Variants in GCN1 observed in about 807,000 individuals in gnomAD.
GCN1 encodes stalled ribosome sensor GCN1.
In GCN1, 90 loss-of-function variants were observed where a neutral mutation model predicts 288.4. The observed-to-expected ratio is 0.31, with a 90% confidence interval of 0.26 to 0.37. The LOEUF (loss-of-function observed/expected upper bound fraction) is 0.37, where lower values mean the gene tolerates loss of function less well. Among genes scored for constraint, GCN1 ranks in the 10% least tolerant of loss-of-function variants. GCN1 has a pLI of 1.00. For missense variants in GCN1, 2,586 were observed against 3,419.9 expected (o/e 0.76, Z 6.08); for synonymous variants, 1,386 against 1,420.2 (o/e 0.98, Z 0.54).
In GCN1 at chr12:120,130,690, C is replaced by T; in HGVS notation, c.7627G>A (p.Gly2543Ser). 1 of 1,614,110 alleles carries T rather than the reference C, an allele frequency of 6.2e-7. No homozygotes were observed. Reference protein sequence around the residue: ...GFLMRHHIETGGGQLPAKLSS... With the variant: ...GFLMRHHIETSGGQLPAKLSS... Reference sequence around the variant, plus strand: ...AGTTTGGCCGGCAACTGCCCTCCGCCTGTCTCGATGTGGTGTCTCATGAGA... The same window carrying T: ...AGTTTGGCCGGCAACTGCCCTCCGCTTGTCTCGATGTGGTGTCTCATGAGA... The change falls in exon 56 of 58, where the codon GGC (glycine) becomes AGC (serine). Residue 2543 changes from glycine to serine, a missense_variant. By Grantham distance (56) the Gly-to-Ser change is moderately conservative (BLOSUM62 0). Coordinates refer to ENST00000300648, the MANE Select transcript of GCN1 (RefSeq NM_006836.2).
intron 45 of GCN1, among the ~76,000 whole-genome samples, chr12:120,140,202 A>C (rs925863282): frequency 2.0e-5 from 3 of 152,218 alleles, no homozygotes; most frequent in African/African-American, 4.8e-5. Context: ...ACTTGCTTAC[A>C]TTTCTAGCGG....
chr12:120,191,758 G>A (rs1192659137), intron 1 of GCN1, among the ~76,000 whole-genome samples: 1 of 152,192 alleles, frequency 6.6e-6, no homozygotes, highest in African/African-American at 2.4e-5. Flanking sequence ...GTTCTGAGAA[G>A]TCTGCCATAA....
intron 2 of GCN1, among the ~76,000 whole-genome samples, chr12:120,186,210 G>C (rs992198486): frequency 6.6e-6 from 1 of 152,032 alleles, no homozygotes; most frequent in Non-Finnish European, 1.5e-5. Context: ...ATGGTGGCAC[G>C]TGTCTGTAAT....
At chr12:120,135,921 CAGA>C (rs1408670927) in intron 51 of GCN1, among the ~76,000 whole-genome samples, 1 of 151,920 alleles carries the variant, frequency 6.6e-6, no homozygotes, top group Non-Finnish European at 1.5e-5. Context: ...GAGGCTGAGG[CAGA>C]AGAATTGCTT....
chr12:120,182,084 G>A (rs1161798230), intron 5 of GCN1, among the ~76,000 whole-genome samples: 1 of 151,796 alleles, frequency 6.6e-6, no homozygotes, highest in African/African-American at 2.4e-5. Context: ...GGGAGGCAGA[G>A]GTTGCAGTGA....
At chr12:120,178,377 G>GATGCATGAACAAGC (rs1878544569) in intron 7 of GCN1, among the ~76,000 whole-genome samples, 1 of 151,730 alleles carries the variant, frequency 6.6e-6, no homozygotes, top group African/African-American at 2.4e-5. Context: ...ACTAAATTGG[G>GATGCATGAACAAGC]ATGAATAAGT....
intron 16 of GCN1, among the ~76,000 whole-genome samples, chr12:120,165,238 T>C (rs1878083558): frequency 6.6e-6 from 1 of 151,998 alleles, no homozygotes; most frequent in Non-Finnish European, 1.5e-5. Context: ...GGTTTCACCA[T>C]GTTAGCCAGG....
At position 120,127,872 on chromosome 12, in the gene GCN1, C is replaced by T. The variant is rs1876668324; in HGVS notation, c.7993G>A (p.Val2665Met). Residue 2665 changes from valine to methionine, a missense_variant, in exon 58 of 58, where the codon GTG becomes ATG. Val to Met is a conservative substitution (Grantham distance 21, BLOSUM62 1). Transcript: ENST00000300648. The stretch of plus-strand genomic sequence containing the variant: ...TCTCATGTCAGGATGGTGTCGTCCA[C>T]CTGCTCCGTGGAGTCGGCCTGGCTG... ...LASQADSTEQ[V>M]DDTILT 6.2e-7 allele frequency: 1 copy of T among 1,613,768 alleles called. No individual in the cohort carries two copies. Among genetic ancestry groups the T allele is most frequent in the South Asian group, 1.1e-5 (1 of 91,092 alleles).
chr12:120,160,289 T>C (rs1877883811), intron 22 of GCN1, 34 bp from the exon 23 acceptor site: 2 of 1,440,186 alleles, frequency 1.4e-6, no homozygotes. Flanking sequence ...CAATCCCATC[T>C]CCAGGGAACA....
chr12:120,134,687 T>C lies in GCN1; in HGVS notation c.7048A>G (p.Thr2350Ala). Residue 2350 changes from threonine to alanine, a missense_variant, in exon 52 of 58, where the codon ACC becomes GCC. This residue lies in a region of GCN1 where 355 missense variants were observed against 431.1 expected (regional missense o/e 0.82). Transcript: ENST00000300648. The surrounding 1 kb of genome is among the most constrained non-coding windows in gnomAD (Gnocchi z 5.0). ...TCCTGCAGGGCTTTGGTGAAAGTGG[T>C]CTGCAGCTGGGGCAGGAAGGGCTTC... ...ALKPFLPQLQ[T>A]TFTKALQDSN... 1 of 1,613,204 alleles carries C rather than the reference T, an allele frequency of 6.2e-7. No individual in the cohort carries two copies. Among genetic ancestry groups the C allele is most frequent in the Non-Finnish European group, 8.5e-7 (1 of 1,180,016 alleles).
chr12:120,167,352 CAAAA>C (rs58505091), intron 16 of GCN1, among the ~76,000 whole-genome samples: 1 of 73,040 alleles, frequency 1.4e-5, no homozygotes, highest in Non-Finnish European at 3.0e-5. Context: ...AACTCCATCT[CAAAA>C]AAAAAAAAAA....
chr12:120,129,984 A>C (rs557326499), intron 56 of GCN1, among the ~76,000 whole-genome samples: 85 of 152,318 alleles, frequency 5.6e-4, no homozygotes, highest in African/African-American at 2.0e-3. Context: ...GACGAGGCTC[A>C]ATCGAATCAG....
chr12:120,134,593 A>G lies in GCN1; in HGVS notation c.7142T>C (p.Val2381Ala). 3 of 1,614,066 alleles carry G rather than the reference A, an allele frequency of 1.9e-6. No homozygotes were observed. Residue 2381 changes from valine to alanine, a missense_variant, in exon 52 of 58, where the codon GTG (valine) becomes GCG (alanine). Coordinates refer to ENST00000300648, the MANE Select transcript of GCN1 (RefSeq NM_006836.2). The surrounding 1 kb of genome is among the most constrained non-coding windows in gnomAD (Gnocchi z 5.0). ...GAGCAGCTCTGTGAAGAGGGGGTCC[A>G]CCTTAATGTGGATGGAAATGAGCTT... is the stretch of plus-strand genomic sequence containing the variant. ...LGKLISIHIKVDPLFTELLNG... is the reference protein window; with the variant it reads ...LGKLISIHIKADPLFTELLNG...
At chr12:120,151,058 C>T in intron 34 of GCN1, 87 bp downstream of exon 34, 5 of 1,474,814 alleles carry the variant, frequency 3.4e-6, no homozygotes, top group Non-Finnish European at 4.6e-6. Context: ...ACGGCCTCCA[C>T]CTGGGGCGCC....
chr12:120,141,988 TC>T (rs1877211506), intron 44 of GCN1, among the ~76,000 whole-genome samples: 1 of 152,198 alleles, frequency 6.6e-6, no homozygotes, highest in African/African-American at 2.4e-5. Context: ...CTCCATTGTG[TC>T]CCCAGGTGCT....
At chr12:120,128,837 CTTT>C (rs35329199) in intron 57 of GCN1, among the ~76,000 whole-genome samples, 8 of 98,412 alleles carry the variant, frequency 8.1e-5, no homozygotes, top group East Asian at 3.5e-4. Context: ...TCACCCAAAT[CTTT>C]TTTTTTTTTT....
rs746403341 is a variant in GCN1, at chr12:120,144,661, G to C, written c.5330C>G (p.Pro1777Arg). The change falls in exon 41 of 58, where the codon CCC becomes CGC. Residue 1777 changes from proline to arginine, a missense_variant. Pro to Arg is a moderately radical substitution (Grantham distance 103). Around this residue, in one of 8 missense-constraint regions of GCN1, gnomAD observed 371 missense variants for 572.6 expected, o/e 0.65. Transcript: ENST00000300648. This position sits in a 1 kb window ranked among gnomAD's most constrained non-coding sequence, Gnocchi z 4.7. The part of the protein sequence containing the change: ...FGDKFTPYVG[P>R]IIPCILKALA... ...TACTTTGAGGATACAGGGGATGATG[G>C]GCCCCACATAAGGAGTAAACTTGTC... 1 of 1,613,890 alleles carries C rather than the reference G, an allele frequency of 6.2e-7. No individual in the cohort carries two copies. Among genetic ancestry groups the C allele is most frequent in the African/African-American group, 1.3e-5 (1 of 75,044 alleles).
In GCN1 at chr12:120,155,322, G is replaced by C. The variant is rs772411161; in HGVS notation, c.3549C>G (p.Leu1183=). The change falls in exon 30 of 58, where the codon CTC becomes CTG. Residue 1183 remains leucine, a synonymous_variant. Coordinates refer to ENST00000300648, the MANE Select transcript of GCN1 (RefSeq NM_006836.2). The surrounding 1 kb of genome is among the most constrained non-coding windows in gnomAD (Gnocchi z 4.9). ...AAVRQAGAEA[L]SQAVARYQRQ... ...GCTGGTAACGTGCCACTGCTTGGGAGAGGGCTTCGGCCCCTGCCTGCCTTA... is the reference window on the plus strand; with the variant it reads ...GCTGGTAACGTGCCACTGCTTGGGACAGGGCTTCGGCCCCTGCCTGCCTTA... The C allele has an allele frequency of 9.9e-6, 16 of 1,614,206 alleles. No homozygotes were observed. In the East Asian group the frequency reaches 3.3e-4, roughly 34 times the overall value.
At chr12:120,130,908 A>C (rs1876796839) in intron 55 of GCN1, among the ~76,000 whole-genome samples, 155 bp from the exon 56 acceptor site, 1 of 152,172 alleles carries the variant, frequency 6.6e-6, no homozygotes, top group Admixed American at 6.5e-5. Context: ...GCCCCGGCTG[A>C]GGCAGATGAG....
Sources: allele counts gnomAD v4.1 joint callset (sites outside exome capture counted in the v4.1 genomes callset), GRCh38; gene constraint gnomAD v4.1.1; regional missense constraint gnomAD v4.1.1; non-coding constraint Gnocchi (gnomAD v3.1); transcripts MANE v1.5; gene names NCBI Gene and HGNC (gene_info 2026-07-23, HGNC 2026-07-21).